ABCC4: variants seen among roughly 807,000 people sequenced by gnomAD.
The protein encoded by ABCC4 is ATP-binding cassette sub-family C member 4.
Under a neutral mutation model 168.5 loss-of-function variants are expected in ABCC4, and 102 were observed. The ratio of observed to expected loss-of-function variants is 0.61; its 90% CI spans 0.52 to 0.71. ABCC4 has a LOEUF of 0.71. Ranked by LOEUF, ABCC4 falls within the 30% of genes least tolerant of loss-of-function variation. ABCC4 has a pLI of 0.00. For synonymous variants in ABCC4, 617 were observed against 590.7 expected (o/e 1.04, Z -0.65); for missense variants, 1,402 against 1,605.8 (o/e 0.87, Z 2.17).
chr13:95,287,432 C>CA (rs1307771772), intron 1 of ABCC4, among the ~76,000 whole-genome samples: 2 of 151,564 alleles, frequency 1.3e-5, no homozygotes, highest in East Asian at 3.9e-4. Context: ...ACTAAAAATA[C>CA]AAAAATTAGC....
intron 26 of ABCC4, among the ~76,000 whole-genome samples, chr13:95,054,221 T>C (rs2032970454): frequency 6.6e-6 from 1 of 151,956 alleles, no homozygotes. Flanking sequence ...CAGGGTTACC[T>C]GAAAACCACT....
chr13:95,141,457 C>A (rs918704046), intron 19 of ABCC4, among the ~76,000 whole-genome samples: 4 of 151,954 alleles, frequency 2.6e-5, no homozygotes, highest in Non-Finnish European at 2.9e-5. Flanking sequence ...TAAGAATCCT[C>A]TGAGGTGCAG....
intron 24 of ABCC4, among the ~76,000 whole-genome samples, chr13:95,072,297 C>T (rs993752407): frequency 1.3e-5 from 2 of 152,110 alleles, no homozygotes. Context: ...CCCATTTCTA[C>T]TAAAAATACA....
At chr13:95,091,330 T>C (rs1425252470) in intron 20 of ABCC4, among the ~76,000 whole-genome samples, 1 of 152,154 alleles carries the variant, frequency 6.6e-6, no homozygotes, top group Non-Finnish European at 1.5e-5. Flanking sequence ...AATCATCACC[T>C]AGGTGCACTG....
In ABCC4 at chr13:95,210,118, G is replaced by A. The variant is rs533483640; in HGVS notation, c.622-521C>T. 3.3e-5 allele frequency among the ~76,000 whole-genome samples: 5 copies of A among 152,330 alleles called. No homozygotes were observed. In the South Asian group the frequency reaches 8.3e-4, roughly 25 times the overall value. The stretch of plus-strand genomic sequence containing the variant: ...ATTGGAAAAAAGAAGTGGTCCTAGT[G>A]CAAAATGAATATGGCCAGCAGCTAG... On this transcript the variant is annotated intron_variant, in intron 5 of 30. Transcript: ENST00000645237.
At chr13:95,288,201 T>C (rs1217196486) in intron 1 of ABCC4, among the ~76,000 whole-genome samples, 2 of 152,154 alleles carry the variant, frequency 1.3e-5, no homozygotes, top group Non-Finnish European at 2.9e-5. Flanking sequence ...ACAGCTAATA[T>C]ATACAAGATC....
intron 1 of ABCC4, among the ~76,000 whole-genome samples, chr13:95,252,541 G>A (rs2040291697): frequency 6.6e-6 from 1 of 152,126 alleles, no homozygotes; most frequent in South Asian, 2.1e-4. Flanking sequence ...CAGGCGTGGT[G>A]GCAGGCACCT....
chr13:95,070,233 G>A (rs2033680039), intron 25 of ABCC4, among the ~76,000 whole-genome samples: 1 of 152,132 alleles, frequency 6.6e-6, no homozygotes, highest in Admixed American at 6.5e-5. Context: ...GACAGAGCAA[G>A]ACTCTGTCTC....
intron 25 of ABCC4, among the ~76,000 whole-genome samples, chr13:95,068,540 G>A (rs905099975): frequency 6.6e-6 from 1 of 152,100 alleles, no homozygotes; most frequent in Non-Finnish European, 1.5e-5. Context: ...CAGGAGAATC[G>A]CTTGAACCTG....
chr13:95,126,705 A>T, intron 19 of ABCC4, among the ~76,000 whole-genome samples: 1 of 129,360 alleles, frequency 7.7e-6, no homozygotes, highest in African/African-American at 2.8e-5. Flanking sequence ...ATAAAAATGC[A>T]TGAACTTTTT....
chr13:95,199,063 C>T (rs2038543840), intron 8 of ABCC4, among the ~76,000 whole-genome samples: 1 of 152,090 alleles, frequency 6.6e-6, no homozygotes, highest in African/African-American at 2.4e-5. Flanking sequence ...CACCATGGCA[C>T]ATGTATACCT....
chr13:95,264,239 G>GA (rs576620432), intron 1 of ABCC4, among the ~76,000 whole-genome samples: 9,490 of 147,444 alleles, frequency 0.064, 436 homozygotes, highest in Non-Finnish European at 0.1. Context: ...AATAGAATCA[G>GA]AAAAAAAAAA....
chr13:95,140,246 T>C (rs1198686000), intron 19 of ABCC4, among the ~76,000 whole-genome samples: 1 of 152,224 alleles, frequency 6.6e-6, no homozygotes, highest in Non-Finnish European at 1.5e-5. Flanking sequence ...CCCCAGTCTC[T>C]GTATTCCTTA....
chr13:95,043,164 C>T (rs899138474), intron 29 of ABCC4, among the ~76,000 whole-genome samples: 2 of 152,318 alleles, frequency 1.3e-5, no homozygotes, highest in South Asian at 4.1e-4. Flanking sequence ...CTGTTGGAAT[C>T]ATTTGTTTTT....
At chr13:95,139,009 T>A (rs761136214) in intron 19 of ABCC4, among the ~76,000 whole-genome samples, 1 of 152,154 alleles carries the variant, frequency 6.6e-6, no homozygotes, top group Non-Finnish European at 1.5e-5. Flanking sequence ...TTGGCTTGTC[T>A]CCTGTACTCC....
chr13:95,041,834 G>T (rs2032374971), intron 29 of ABCC4, among the ~76,000 whole-genome samples: 1 of 152,196 alleles, frequency 6.6e-6, no homozygotes, highest in Non-Finnish European at 1.5e-5. Flanking sequence ...GGAACATAGA[G>T]GCCAGTTCCC....
chr13:95,095,068 C>T (rs2034548581), intron 20 of ABCC4, among the ~76,000 whole-genome samples: 1 of 152,138 alleles, frequency 6.6e-6, no homozygotes, highest in South Asian at 2.1e-4. Flanking sequence ...AGTACAGTCG[C>T]TATGGAAAAT....
At chr13:95,202,359 G>A (rs192628903) in intron 8 of ABCC4, among the ~76,000 whole-genome samples, 2 of 152,260 alleles carry the variant, frequency 1.3e-5, no homozygotes, top group Admixed American at 6.5e-5. Context: ...GTACATACAC[G>A]TGGGCCCTAT....
intron 1 of ABCC4, among the ~76,000 whole-genome samples, chr13:95,280,601 A>T (rs2041095720): frequency 6.9e-6 from 1 of 144,750 alleles, no homozygotes; most frequent in Non-Finnish European, 1.5e-5. Context: ...AAAACCATCC[A>T]ATTCCCAGAA....
Sources: gnomAD v4.1 joint callset for allele counts (sites outside exome capture counted in the v4.1 genomes callset) on GRCh38, gnomAD v4.1.1 for gene constraint, MANE v1.5 for transcripts, NCBI Gene and HGNC (gene_info 2026-07-23, HGNC 2026-07-21) for gene names.